BOLL: variants seen among roughly 807,000 people sequenced by gnomAD.
BOLL encodes protein boule-like.
In BOLL, 23 loss-of-function variants were observed where a neutral mutation model predicts 44.4. The observed-to-expected ratio is 0.52, with a 90% CI of 0.37 to 0.73. The LOEUF (loss-of-function observed/expected upper bound fraction) is 0.73. Among genes scored for constraint, BOLL ranks in the 30% least tolerant of loss-of-function variants. BOLL has a pLI of 0.00. For synonymous variants in BOLL, 97 were observed against 110.8 expected (o/e 0.88, Z 0.78); for missense variants, 287 against 338.3 (o/e 0.85, Z 1.19).
chr2:197,729,838 G>C (rs1159133168), intron 10 of BOLL, among the ~76,000 whole-genome samples: 1 of 151,654 alleles, frequency 6.6e-6, no homozygotes, highest in Non-Finnish European at 1.5e-5. Context: ...AAGACCAAAA[G>C]TAGATAAAAC....
chr2:197,755,451 C>T (rs1214813704), intron 9 of BOLL, among the ~76,000 whole-genome samples: 2 of 152,176 alleles, frequency 1.3e-5, no homozygotes, highest in Admixed American at 1.3e-4. Flanking sequence ...TGTGTATGTT[C>T]ATTGCAGCAC....
At position 197,754,682 on chromosome 2, in the gene BOLL, C is replaced by G. The variant is rs544425044; in HGVS notation, c.729+1746G>C. Reference sequence around the variant, plus strand: ...TGAGCCGAGACCACACCATTGCACTCTAGCCTGGGCGATGGAGCAAGACTC... The same window carrying G: ...TGAGCCGAGACCACACCATTGCACTGTAGCCTGGGCGATGGAGCAAGACTC... On this transcript the variant is annotated intron_variant, in intron 9 of 10. Coordinates refer to ENST00000392296, the MANE Select transcript of BOLL (RefSeq NM_033030.6). Among the ~76,000 whole-genome samples, 6 of 148,932 alleles carry G rather than the reference C, an allele frequency of 4.0e-5. No individual in the cohort carries two copies. In the South Asian group the frequency reaches 6.5e-4, roughly 16 times the overall value.
At chr2:197,733,703 C>A (rs1479570644) in intron 10 of BOLL, among the ~76,000 whole-genome samples, 4 of 151,960 alleles carry the variant, frequency 2.6e-5, no homozygotes, top group Admixed American at 6.6e-5. Flanking sequence ...GAAAAACAAG[C>A]AATGGGGAAA....
intron 5 of BOLL, among the ~76,000 whole-genome samples, chr2:197,773,365 T>TA (rs1316252666): frequency 6.6e-6 from 1 of 151,868 alleles, no homozygotes; most frequent in Admixed American, 6.6e-5. Flanking sequence ...GCCCTAGTGA[T>TA]ACAGCAAAAA....
At chr2:197,785,840 G>T, upstream of BOLL, 1 of 772,666 alleles carries the variant, frequency 1.3e-6, no homozygotes, top group Non-Finnish European at 2.2e-6. This position sits in a 1 kb window ranked among gnomAD's most constrained non-coding sequence, Gnocchi z 6.7. Flanking sequence ...AGCGGTCGAT[G>T]GGGCACCTGG....
intron 9 of BOLL, among the ~76,000 whole-genome samples, chr2:197,752,501 T>C (rs1024816819): frequency 2.1e-4 from 32 of 152,138 alleles, no homozygotes; most frequent in Admixed American, 3.9e-4. Flanking sequence ...TCAGCATTCC[T>C]ATACTCCAAT....
chr2:197,741,007 A>G (rs1320660959), intron 10 of BOLL, among the ~76,000 whole-genome samples: 2 of 152,080 alleles, frequency 1.3e-5, no homozygotes, highest in Middle Eastern at 3.2e-3. Flanking sequence ...GTTTTTTCCA[A>G]TTCTGTGAAG....
At chr2:197,784,681 G>T in intron 1 of BOLL, 1 of 965,476 alleles carries the variant, frequency 1.0e-6, no homozygotes, top group Non-Finnish European at 1.2e-6. Flanking sequence ...GCCCACCTTG[G>T]CCTCCCAAAG....
chr2:197,756,880 T>G (rs888793389), intron 8 of BOLL, among the ~76,000 whole-genome samples: 1 of 152,270 alleles, frequency 6.6e-6, no homozygotes, highest in East Asian at 1.9e-4. Flanking sequence ...GGTATTTAAA[T>G]TGACATAAAT....
intron 9 of BOLL, 112 bp downstream of exon 9, chr2:197,756,316 A>G: frequency 9.6e-7 from 1 of 1,041,694 alleles, no homozygotes; most frequent in Non-Finnish European, 1.3e-6. Flanking sequence ...AATCAACAAA[A>G]CAAAGATGAA....
At chr2:197,775,791 T>C (rs753996571) in intron 4 of BOLL, 51 bp from the exon 5 acceptor site, 2 of 1,114,208 alleles carry the variant, frequency 1.8e-6, no homozygotes, top group East Asian at 2.8e-5. Context: ...CTATTATTTA[T>C]AAAATCAATA....
In BOLL at chr2:197,767,260, A is replaced by G. The variant is rs1045419606; in HGVS notation, c.481-657T>C. Among the ~76,000 whole-genome samples the G allele has an allele frequency of 2.6e-5, 4 of 152,126 alleles. No individual in the cohort carries two copies. In the East Asian group the frequency reaches 7.7e-4, roughly 29 times the overall value. On this transcript the variant is annotated intron_variant, in intron 6 of 10. Coordinates refer to ENST00000392296, the MANE Select transcript of BOLL (RefSeq NM_033030.6). ...ATCTTTAATAAAACAGGCAAGTTGT[A>G]TTGCAAGATAGTAAAACTGGCTCTA...
intron 9 of BOLL, among the ~76,000 whole-genome samples, chr2:197,745,069 G>A (rs925017157): frequency 6.6e-6 from 1 of 152,162 alleles, no homozygotes; most frequent in Non-Finnish European, 1.5e-5. Flanking sequence ...TCAGGGGTTG[G>A]AGGCTGAGTT....
chr2:197,765,490 C>T (rs1328735807), intron 7 of BOLL, among the ~76,000 whole-genome samples: 2 of 151,786 alleles, frequency 1.3e-5, no homozygotes, highest in Non-Finnish European at 1.5e-5. Context: ...ATGCTCCCAA[C>T]ACAAAGAAAT....
chr2:197,730,760 T>C (rs1390454650), intron 10 of BOLL, among the ~76,000 whole-genome samples: 1 of 151,854 alleles, frequency 6.6e-6, no homozygotes, highest in Non-Finnish European at 1.5e-5. Context: ...GACAAGCAAA[T>C]GCTGAGAGAT....
At chr2:197,770,910 C>G (rs1020061772) in intron 6 of BOLL, among the ~76,000 whole-genome samples, 4 of 152,068 alleles carry the variant, frequency 2.6e-5, no homozygotes, top group African/African-American at 9.7e-5. Context: ...GGAGTGTAAA[C>G]TAGTTCAACC....
intron 2 of BOLL, among the ~76,000 whole-genome samples, chr2:197,781,440 C>T (rs952093031): frequency 6.6e-6 from 1 of 152,080 alleles, no homozygotes; most frequent in Non-Finnish European, 1.5e-5. Context: ...GAGTATGGAG[C>T]TATGAGACAG....
upstream of BOLL, chr2:197,785,988 C>G: frequency 1.2e-6 from 2 of 1,610,928 alleles, no homozygotes; most frequent in Admixed American, 1.7e-5. This position sits in a 1 kb window ranked among gnomAD's most constrained non-coding sequence, Gnocchi z 6.7. Flanking sequence ...CTCACCGGCC[C>G]GGACTCGGTT....
At chr2:197,771,011 G>T (rs1201842193) in intron 6 of BOLL, among the ~76,000 whole-genome samples, 1 of 152,070 alleles carries the variant, frequency 6.6e-6, no homozygotes, top group Non-Finnish European at 1.5e-5. Flanking sequence ...TATACCCATA[G>T]GATTATAAAT....
Sources: gnomAD v4.1 joint callset for allele counts (sites outside exome capture counted in the v4.1 genomes callset) on GRCh38, gnomAD v4.1.1 for gene constraint, Gnocchi (gnomAD v3.1) non-coding constraint, MANE v1.5 for transcripts, NCBI Gene and HGNC (gene_info 2026-07-23, HGNC 2026-07-21) for gene names.